The following NOC3L variants were observed in gnomAD, a reference collection of about 807,000 sequenced individuals.
The protein encoded by NOC3L is NOC3 like DNA replication regulator, also known as nucleolar complex protein 3 homolog.
Under a neutral mutation model 102.5 loss-of-function variants are expected in NOC3L, and 85 were observed. The ratio of observed to expected loss-of-function variants is 0.83; its 90% CI spans 0.70 to 0.99. The LOEUF (loss-of-function observed/expected upper bound fraction) is 0.99, where lower values mean the gene tolerates loss of function less well. NOC3L is among the 50% of genes least tolerant of loss of function. The pLI is 0.00. For synonymous variants in NOC3L, 303 were observed against 309.4 expected (o/e 0.98, Z 0.22); for missense variants, 878 against 914.9 (o/e 0.96, Z 0.52).
rs1164331804 is a variant in NOC3L at position 94,361,780 on chromosome 10, T to C, written c.102A>G (p.Lys34=). The stretch of plus-strand genomic sequence containing the variant: ...GGTACTTCTTGAGAGTGCTTTGTTG[T>C]TTAAACTGCTTATTTTTTAGCTTGT... ...LENKLKNKQF[K]QQSTLKKYRK... The change falls in exon 2 of 21, where the codon AAA becomes AAG. Residue 34 remains lysine, a synonymous_variant. Coordinates refer to ENST00000371361, the MANE Select transcript of NOC3L (RefSeq NM_022451.11). 3.7e-6 allele frequency: 6 copies of C among 1,613,902 alleles called. No individual in the cohort carries two copies. The African/African-American group carries it at 5.3e-5, about 14-fold the overall frequency.
At position 94,337,760 on chromosome 10, in the gene NOC3L, G is replaced by A. The variant is rs747592910; in HGVS notation, c.2189+17C>T. 3 of 1,539,358 alleles carry A rather than the reference G, an allele frequency of 1.9e-6. No homozygotes were observed. The highest frequency in any genetic ancestry group is 1.7e-5 in the Admixed American group (1 of 59,300). On this transcript the variant is annotated intron_variant, in intron 19 of 20. Coordinates refer to ENST00000371361, the MANE Select transcript of NOC3L (RefSeq NM_022451.11). The stretch of plus-strand genomic sequence containing the variant: ...CTCAATTCTGTAGTTTTAGAATAAG[G>A]CAATGCTAAATATTACCTTCGACTC...
Position 94,334,238 on chromosome 10 carries a change from C to T in NOC3L, c.2342G>A (p.Ser781Asn), listed in dbSNP as rs373890811. 6.2e-7 allele frequency: 1 copy of T among 1,611,470 alleles called. No homozygotes were observed. Among genetic ancestry groups the T allele is most frequent in the African/African-American group, 1.3e-5 (1 of 74,866 alleles). Residue 781 changes from serine (S) to asparagine (N), a missense_variant, in exon 21 of 21, where the codon AGT becomes AAT. Ser to Asn is a conservative substitution (Grantham distance 46). Coordinates refer to ENST00000371361, the MANE Select transcript of NOC3L (RefSeq NM_022451.11). ...DLNQLIKRYSSEVATESPLDF... is the reference protein window; with the variant it reads ...DLNQLIKRYSNEVATESPLDF... ...CAGAGGCGATTCAGTAGCAACTTCA[C>T]TGGAGTATCTTTTGATTAGCTGATT...
intron 6 of NOC3L, among the ~76,000 whole-genome samples, chr10:94,354,404 C>T (rs979913800): frequency 3.3e-5 from 5 of 152,098 alleles, no homozygotes; most frequent in African/African-American, 1.2e-4. Flanking sequence ...AAATAACTTA[C>T]CCAAAGTCTC....
At chr10:94,362,020 G>T (rs2054557244) in intron 1 of NOC3L, 148 bp from the exon 2 acceptor site, 1 of 709,144 alleles carries the variant, frequency 1.4e-6, no homozygotes, top group Non-Finnish European at 2.5e-6. Flanking sequence ...AAAACCAAAC[G>T]ATGGCTTTAA....
chr10:94,356,467 T>C, intron 5 of NOC3L, 68 bp downstream of exon 5: 1 of 911,146 alleles, frequency 1.1e-6, no homozygotes, highest in Non-Finnish European at 1.8e-6. Flanking sequence ...CATCTAAAAT[T>C]AACTCACATT....
chr10:94,353,945 A>G (rs892269596), intron 6 of NOC3L, among the ~76,000 whole-genome samples: 4 of 152,224 alleles, frequency 2.6e-5, no homozygotes, highest in Admixed American at 2.6e-4. Context: ...GTCTGTGAGC[A>G]CAGGTTCCTG....
chr10:94,358,140 T>C lies in NOC3L; in HGVS notation c.293A>G (p.Gln98Arg). Residue 98 changes from glutamine to arginine, a missense_variant, in exon 3 of 21, where the codon CAG (glutamine) becomes CGG (arginine). Transcript: ENST00000371361. ...TCTTTGTCCTAAATCCTTCATTAAC[T>C]GTAAGTCATCTTCATCCATCATATC... ...PLDMMDEDDL[Q>R]LMKDLGQRVS... is the part of the protein sequence containing the mutation. 1 of 1,611,990 alleles carries C rather than the reference T, an allele frequency of 6.2e-7. No homozygotes were observed. The highest frequency in any genetic ancestry group is 1.7e-5 in the Admixed American group (1 of 60,002).
the NOC3L span, among the ~76,000 whole-genome samples, chr10:94,322,864 G>A: frequency 6.6e-6 from 1 of 152,126 alleles, no homozygotes; most frequent in Non-Finnish European, 1.5e-5. Context: ...GCTGAGATAG[G>A]AGGATCGCTT....
intron 2 of NOC3L, 67 bp from the exon 3 acceptor site, chr10:94,358,282 C>T: frequency 1.1e-6 from 1 of 889,628 alleles, no homozygotes. Flanking sequence ...GAACTCTCTG[C>T]ATTTTGGGTT....
At chr10:94,336,207 T>G (rs1399733630) in intron 19 of NOC3L, among the ~76,000 whole-genome samples, 1 of 152,208 alleles carries the variant, frequency 6.6e-6, no homozygotes, top group East Asian at 1.9e-4. Context: ...GTCTGCCATG[T>G]GAGGGCATGG....
chr10:94,330,956 G>C (rs549538368), downstream of NOC3L: 3 of 152,244 alleles, frequency 2.0e-5, no homozygotes, highest in African/African-American at 7.2e-5. Context: ...TGCAAGTTGG[G>C]GTCATTACAA....
chr10:94,347,583 G>T (rs1284584915), intron 10 of NOC3L, among the ~76,000 whole-genome samples: 2 of 152,016 alleles, frequency 1.3e-5, no homozygotes, highest in Non-Finnish European at 1.5e-5. Context: ...CAATTCAACT[G>T]AAATCAGATT....
intron 10 of NOC3L, among the ~76,000 whole-genome samples, chr10:94,347,514 A>T (rs1478414809): frequency 6.6e-6 from 1 of 152,202 alleles, no homozygotes; most frequent in Non-Finnish European, 1.5e-5. Context: ...TTGCTCTACA[A>T]TTCTAAGTAA....
downstream of NOC3L, chr10:94,333,166 T>A (rs1237563962): frequency 6.6e-6 from 1 of 152,200 alleles, no homozygotes; most frequent in South Asian, 2.1e-4. Flanking sequence ...TTTCAAACAG[T>A]AAGAGATCTC....
chr10:94,342,051 G>A (rs1460338132), intron 13 of NOC3L, among the ~76,000 whole-genome samples: 1 of 152,186 alleles, frequency 6.6e-6, no homozygotes, highest in East Asian at 1.9e-4. Flanking sequence ...AGTTTAGGAG[G>A]TATCCGGCAG....
At chr10:94,355,799 G>C (rs1254269106) in intron 5 of NOC3L, among the ~76,000 whole-genome samples, 1 of 151,892 alleles carries the variant, frequency 6.6e-6, no homozygotes, top group Non-Finnish European at 1.5e-5. Context: ...ATTCTCCTTT[G>C]TTTTTAACAC....
chr10:94,330,835 C>G (rs2054149640), downstream of NOC3L: 1 of 152,178 alleles, frequency 6.6e-6, no homozygotes, highest in Non-Finnish European at 1.5e-5. Context: ...AAGAAATTAT[C>G]CTAAATAGCC....
At chr10:94,324,239 C>G in the NOC3L span, 8 of 829,964 alleles carry the variant, frequency 9.6e-6, no homozygotes, top group Non-Finnish European at 1.3e-5. Flanking sequence ...CTGGAAGATC[C>G]CCTTCATCTC....
At position 94,338,594 on chromosome 10, in the gene NOC3L, AG is replaced by A; in HGVS notation, c.2091+13del. ...AAACATCCCCAAAAAGAAAAAAACC[AG>A]GGCCACTCTTACCCGCAGAGCATGC... is the stretch of plus-strand genomic sequence containing the variant. On this transcript the variant is annotated intron_variant, in intron 18 of 20. Transcript: ENST00000371361. 2 of 1,488,756 alleles carry A rather than the reference AG, an allele frequency of 1.3e-6. No individual in the cohort carries two copies. The highest frequency in any genetic ancestry group is 1.8e-6 in the Non-Finnish European group (2 of 1,112,752). The allele number at this position is 1,488,756 out of a possible 1,614,324, so 92.2% of individuals were successfully genotyped here. A position where few individuals can be genotyped will look rare whatever the true frequency, so the allele number is the denominator to read the frequency against.
Sources: gnomAD v4.1 joint callset for allele counts (sites outside exome capture counted in the v4.1 genomes callset) on GRCh38, gnomAD v4.1.1 for gene constraint, MANE v1.5 for transcripts, NCBI Gene and HGNC (gene_info 2026-07-23, HGNC 2026-07-21) for gene names.